Variants in STAG1 observed in about 807,000 individuals in gnomAD.
STAG1 encodes STAG1 cohesin complex component.
STAG1 carries 26 observed loss-of-function variants against 170.9 expected under a neutral mutation model. That is an observed-to-expected ratio of 0.15 (90% CI 0.11 to 0.21). The LOEUF is 0.21. Ranked by LOEUF, STAG1 falls within the 10% of genes least tolerant of loss-of-function variation. The pLI, the probability that STAG1 is intolerant of heterozygous loss-of-function variation, is 1.00. For synonymous variants in STAG1, 514 were observed against 497.7 expected (o/e 1.03, Z -0.44); for missense variants, 964 against 1,509.5 (o/e 0.64, Z 5.99).
intron 5 of STAG1, among the ~76,000 whole-genome samples, chr3:136,562,819 C>T (rs1170485972): frequency 1.3e-5 from 2 of 152,054 alleles, no homozygotes; most frequent in Non-Finnish European, 2.9e-5. Context: ...AACTCCTGAC[C>T]TCAGGTGATC....
In STAG1 at chr3:136,453,418, C is replaced by T. The variant is rs151301014; in HGVS notation, c.1314-1271G>A. ...CATCCTGGCTCACACAGTGAAACCC[C>T]ATCTCTACTAAAAATACAAAAAATT... On this transcript the variant is annotated intron_variant, in intron 13 of 33. Coordinates refer to ENST00000383202, the MANE Select transcript of STAG1 (RefSeq NM_005862.3). Among the ~76,000 whole-genome samples, 1,131 of 151,924 alleles carry T rather than the reference C, an allele frequency of 7.4e-3. 17 individuals carry two copies. Among genetic ancestry groups the T allele is most frequent in the African/African-American group, 0.026 (1,079 of 41,446 alleles).
At chr3:136,544,792 A>T (rs1936081272) in intron 5 of STAG1, among the ~76,000 whole-genome samples, 1 of 152,026 alleles carries the variant, frequency 6.6e-6, no homozygotes, top group South Asian at 2.1e-4. Context: ...TTTATGACAC[A>T]CCATTCTTGC....
intron 22 of STAG1, among the ~76,000 whole-genome samples, chr3:136,393,978 T>G (rs1318345412): frequency 6.6e-6 from 1 of 152,194 alleles, no homozygotes; most frequent in Admixed American, 6.5e-5. Flanking sequence ...CTTGGCTCAC[T>G]GCAACCTCCG....
chr3:136,565,063 AGGGAGGGAGGGAGG>A (rs1352830311), intron 5 of STAG1, among the ~76,000 whole-genome samples: 1 of 13,804 alleles, frequency 7.2e-5, no homozygotes, highest in Non-Finnish European at 1.3e-4. Context: ...GGAGGGAGGG[AGGGAGGGAGGGAGG>A]GAGGGAGGGA....
intron 7 of STAG1, among the ~76,000 whole-genome samples, chr3:136,508,601 T>C (rs1012874133): frequency 1.3e-5 from 2 of 152,162 alleles, no homozygotes; most frequent in Admixed American, 1.3e-4. Flanking sequence ...GGTGGGAGGA[T>C]TACATAAACC....
chr3:136,383,847 C>T lies in STAG1; in HGVS notation c.2278-6095G>A, dbSNP rs150326290. On this transcript the variant is annotated intron_variant, in intron 22 of 33. Transcript: ENST00000383202. The stretch of plus-strand genomic sequence containing the variant: ...GCAGGCGCCTGTAGTCCTAGCTACT[C>T]GGGAGGCTGAGGCAGGAGAATGGCA... Among the ~76,000 whole-genome samples the T allele has an allele frequency of 6.6e-3, 988 of 149,596 alleles. 10 individuals carry two copies. The highest frequency in any genetic ancestry group is 0.023 in the African/African-American group (930 of 40,716).
chr3:136,707,951 C>G (rs1943271663), intron 1 of STAG1, among the ~76,000 whole-genome samples: 1 of 152,006 alleles, frequency 6.6e-6, no homozygotes, highest in Non-Finnish European at 1.5e-5. Flanking sequence ...AAATCATATT[C>G]AAACAATAGC....
intron 5 of STAG1, among the ~76,000 whole-genome samples, chr3:136,565,005 G>GGAAA (rs1937003650): frequency 1.0e-5 from 1 of 98,510 alleles, no homozygotes; most frequent in Non-Finnish European, 2.0e-5. Flanking sequence ...AAGGAAGGAA[G>GGAAA]GAAGGAAGGC....
intron 23 of STAG1, among the ~76,000 whole-genome samples, chr3:136,372,677 C>T (rs888022867): frequency 3.3e-5 from 5 of 152,148 alleles, no homozygotes; most frequent in African/African-American, 1.2e-4. Flanking sequence ...TTGAACCAGC[C>T]TTGCATCCCA....
At chr3:136,455,577 G>T (rs2089086303) in intron 13 of STAG1, among the ~76,000 whole-genome samples, 1 of 152,230 alleles carries the variant, frequency 6.6e-6, no homozygotes, top group African/African-American at 2.4e-5. Context: ...AGAATAGGGT[G>T]CTGATCACAG....
chr3:136,477,095 A>T (rs1046115060), intron 10 of STAG1, among the ~76,000 whole-genome samples, 194 bp downstream of exon 10: 1 of 152,218 alleles, frequency 6.6e-6, no homozygotes, highest in African/African-American at 2.4e-5. Flanking sequence ...ACTAAACAAG[A>T]TAGGGTCTTC....
chr3:136,604,604 A>C (rs1458413989), intron 3 of STAG1, 131 bp from the exon 4 acceptor site: 1 of 801,694 alleles, frequency 1.2e-6, no homozygotes, highest in Non-Finnish European at 1.9e-6. Context: ...TAATTCAAAA[A>C]AGTGCAAAGA....
At chr3:136,684,840 T>C (rs938793651) in intron 1 of STAG1, among the ~76,000 whole-genome samples, 26 of 149,222 alleles carry the variant, frequency 1.7e-4, no homozygotes, top group Non-Finnish European at 5.9e-5. Flanking sequence ...AACATCAGTC[T>C]AGACACAGAC....
intron 1 of STAG1, among the ~76,000 whole-genome samples, chr3:136,659,451 C>T (rs1941501345): frequency 6.6e-6 from 1 of 152,170 alleles, no homozygotes; most frequent in Non-Finnish European, 1.5e-5. Context: ...AGCTGAGCTG[C>T]AAGTGACCCG....
At chr3:136,349,594 A>G (rs1331669621) in intron 28 of STAG1, among the ~76,000 whole-genome samples, 1 of 152,162 alleles carries the variant, frequency 6.6e-6, no homozygotes. Context: ...AAGGGTGTGT[A>G]TGTATGTACG....
At chr3:136,391,896 T>C (rs1416833152) in intron 22 of STAG1, among the ~76,000 whole-genome samples, 2 of 152,220 alleles carry the variant, frequency 1.3e-5, no homozygotes, top group South Asian at 2.1e-4. Context: ...GGAAAACCTA[T>C]TGGTGAAACC....
chr3:136,357,678 GTAT>G (rs767329099), intron 28 of STAG1, 39 bp downstream of exon 28: 155 of 1,509,872 alleles, frequency 1.0e-4, no homozygotes, highest in Non-Finnish European at 1.3e-4. Context: ...ATTTACAACA[GTAT>G]TATTATAAAA....
chr3:136,560,038 T>C (rs1159728164), intron 5 of STAG1, among the ~76,000 whole-genome samples: 1 of 152,142 alleles, frequency 6.6e-6, no homozygotes, highest in Non-Finnish European at 1.5e-5. Context: ...GGCTTACAGG[T>C]GCCATGAAAA....
At chr3:136,359,123 A>G (rs777245340) in intron 27 of STAG1, 25 bp downstream of exon 27, 7 of 1,570,260 alleles carry the variant, frequency 4.5e-6, no homozygotes, top group South Asian at 2.3e-5. Context: ...CAGATTCTGC[A>G]TAACAAAGTG....
Sources: allele counts gnomAD v4.1 joint callset (sites outside exome capture counted in the v4.1 genomes callset), GRCh38; gene constraint gnomAD v4.1.1; transcripts MANE v1.5; gene names NCBI Gene and HGNC (gene_info 2026-07-23, HGNC 2026-07-21).